Variants in PCBP3 observed in about 807,000 individuals in gnomAD.
The protein encoded by PCBP3 is poly(rC)-binding protein 3.
In PCBP3, 25 loss-of-function variants were observed where a neutral mutation model predicts 52.7. The ratio of observed to expected loss-of-function variants is 0.47; its 90% confidence interval spans 0.35 to 0.66. PCBP3 has a LOEUF of 0.66. PCBP3 is among the 30% of genes least tolerant of loss of function. The probability of loss-of-function intolerance (pLI) is 0.01; values close to 1 mark genes in which losing one functional copy is unlikely to be tolerated. For missense variants in PCBP3, 391 were observed against 490.3 expected (o/e 0.80, Z 1.91); for synonymous variants, 162 against 183.0 (o/e 0.89, Z 0.93).
chr21:45,684,640 C>T (rs1459448385), intron 2 of PCBP3, among the ~76,000 whole-genome samples: 5 of 152,176 alleles, frequency 3.3e-5, no homozygotes, highest in African/African-American at 1.2e-4. Context: ...GTTCCTCTTT[C>T]ACCTTCCACC....
chr21:45,842,919 GT>G (rs2093728311), intron 4 of PCBP3, among the ~76,000 whole-genome samples: 3 of 152,162 alleles, frequency 2.0e-5, no homozygotes. Flanking sequence ...GACCTAATAG[GT>G]TCCTCCTTTC....
At chr21:45,842,484 A>G (rs1459748955) in intron 4 of PCBP3, among the ~76,000 whole-genome samples, 1 of 152,198 alleles carries the variant, frequency 6.6e-6, no homozygotes, top group Non-Finnish European at 1.5e-5. Context: ...TAGAAAGCTC[A>G]GTGAAGCTGC....
intron 5 of PCBP3, among the ~76,000 whole-genome samples, chr21:45,864,289 G>A (rs565289719): frequency 1.3e-3 from 198 of 152,302 alleles, no homozygotes; most frequent in African/African-American, 4.5e-3. Context: ...TCCAACATCC[G>A]AGTGAGGCGG....
chr21:45,932,238 G>A (rs1470850704), intron 15 of PCBP3, among the ~76,000 whole-genome samples: 1 of 151,228 alleles, frequency 6.6e-6, no homozygotes, highest in Non-Finnish European at 1.5e-5. Flanking sequence ...CGAACACCTG[G>A]GCCTTGCCGT....
At chr21:45,695,833 C>A (rs922726004) in intron 2 of PCBP3, among the ~76,000 whole-genome samples, 15 of 152,038 alleles carry the variant, frequency 9.9e-5, no homozygotes, top group African/African-American at 3.6e-4. Flanking sequence ...GTAATCCCAG[C>A]ACTTTGGGAG....
intron 2 of PCBP3, among the ~76,000 whole-genome samples, chr21:45,686,485 A>G (rs1429638214): frequency 6.6e-6 from 1 of 152,188 alleles, no homozygotes; most frequent in Non-Finnish European, 1.5e-5. Context: ...CAAAATCCAG[A>G]CACTTAATGT....
chr21:45,839,555 A>G (rs1369995289), intron 4 of PCBP3, among the ~76,000 whole-genome samples: 2 of 152,210 alleles, frequency 1.3e-5, no homozygotes, highest in African/African-American at 2.4e-5. Context: ...TCACAGGAGA[A>G]AGGTAATTTG....
At position 45,941,939 on chromosome 21, in the gene PCBP3, C is replaced by G. The variant is rs1213726672; in HGVS notation, c.*233C>G. ...AGTGTTATTTTATTTATGACTTACG[C>G]TCCCGTCTGCCCATGCACCGGCATG... is the stretch of plus-strand genomic sequence containing the variant. On this transcript the variant is annotated 3_prime_UTR_variant, in exon 18 of 18. Transcript: ENST00000681687. 2.3e-6 allele frequency: 1 copy of G among 426,130 alleles called. No individual in the cohort carries two copies. The highest frequency in any genetic ancestry group is 4.4e-5 in the Admixed American group (1 of 22,852). 26.4% of individuals were successfully genotyped at this position (426,130 alleles called of 1,614,324 possible).
Position 45,917,437 on chromosome 21 carries a change from T to G in PCBP3, c.676-151T>G, listed in dbSNP as rs1603503111. On this transcript the variant is annotated intron_variant, in intron 12 of 17. Coordinates refer to ENST00000681687, the MANE Select transcript of PCBP3 (RefSeq NM_001384156.1). This position sits in a 1 kb window ranked among gnomAD's most constrained non-coding sequence, Gnocchi z 5.3. ...TGGGGCTCCTGGTGCCCTGGGAGGG[T>G]TGGCCCTTTGTCCTAGGATGGGGAC... is the stretch of plus-strand genomic sequence containing the variant. The G allele has an allele frequency of 4.2e-6, 2 of 474,146 alleles. No homozygotes were observed. Among genetic ancestry groups the G allele is most frequent in the Non-Finnish European group, 3.9e-6 (1 of 256,610 alleles). 29.4% of individuals were successfully genotyped at this position (474,146 alleles called of 1,614,324 possible). A position where few individuals can be genotyped will look rare whatever the true frequency, so the allele number is the denominator to read the frequency against.
chr21:45,644,453 T>G (rs2079125286), intron 1 of PCBP3, among the ~76,000 whole-genome samples: 1 of 152,160 alleles, frequency 6.6e-6, no homozygotes, highest in African/African-American at 2.4e-5. Context: ...TTAGAACGTG[T>G]TTCTTATTGT....
chr21:45,758,135 C>T (rs1328825106), intron 4 of PCBP3, among the ~76,000 whole-genome samples: 5 of 152,194 alleles, frequency 3.3e-5, no homozygotes, highest in Admixed American at 2.0e-4. Flanking sequence ...GCAATCTGCC[C>T]GCCTTGGCCT....
chr21:45,739,726 A>G (rs1173330945), intron 3 of PCBP3, among the ~76,000 whole-genome samples: 3 of 110,676 alleles, frequency 2.7e-5, no homozygotes, highest in African/African-American at 7.3e-5. Context: ...CTTCCTGTCC[A>G]TTGTGCTCTG....
In PCBP3 at chr21:45,802,429, T is replaced by A. The variant is rs1015399056; in HGVS notation, c.-126+46977T>A. 6.6e-6 allele frequency among the ~76,000 whole-genome samples: 1 copy of A among 152,072 alleles called. No individual in the cohort carries two copies. The highest frequency in any genetic ancestry group is 2.4e-5 in the African/African-American group (1 of 41,436). ...GCTTGTTCATTAAAAACAATTGTAC[T>A]TACTGAGTGCCTACGTTGTCCTGTG... On this transcript the variant is annotated intron_variant, in intron 4 of 17. Transcript: ENST00000681687. The surrounding 1 kb of genome is among the most constrained non-coding windows in gnomAD (Gnocchi z 5.1).
At chr21:45,747,715 C>T (rs1199932040) in intron 3 of PCBP3, among the ~76,000 whole-genome samples, 2 of 152,250 alleles carry the variant, frequency 1.3e-5, no homozygotes, top group African/African-American at 4.8e-5. Flanking sequence ...AGAAGCTCTG[C>T]AGCCTCATCG....
chr21:45,929,931 C>T lies in PCBP3; in HGVS notation c.732C>T (p.Leu244=). 1.2e-6 allele frequency: 2 copies of T among 1,613,806 alleles called. No individual in the cohort carries two copies. The highest frequency in any genetic ancestry group is 2.2e-5 in the East Asian group (1 of 44,884). The change falls in exon 14 of 18, where the codon CTC becomes CTT. Residue 244 remains leucine, a synonymous_variant. Coordinates refer to ENST00000681687, the MANE Select transcript of PCBP3 (RefSeq NM_001384156.1). ...TCCTACCCCAGCAGTTGACCAAGCTCCACCAGTTGGCCATGCAGCAAACCC... is the reference window on the plus strand; with the variant it reads ...TCCTACCCCAGCAGTTGACCAAGCTTCACCAGTTGGCCATGCAGCAAACCC... ...AIPHPDQLTK[L]HQLAMQQTPF... is the part of the protein sequence containing the mutation.
intron 4 of PCBP3, among the ~76,000 whole-genome samples, chr21:45,841,279 G>A (rs1195196430): frequency 2.6e-5 from 4 of 152,018 alleles, no homozygotes; most frequent in African/African-American, 9.7e-5. Context: ...CTGTCTTTTT[G>A]TCTGTCATGT....
intron 5 of PCBP3, among the ~76,000 whole-genome samples, chr21:45,889,040 T>C (rs1416726309): frequency 6.6e-6 from 1 of 152,258 alleles, no homozygotes; most frequent in Non-Finnish European, 1.5e-5. Context: ...AATACCACTT[T>C]GCCATAAGCA....
In PCBP3 at chr21:45,684,259, AG is replaced by A. The variant is rs1399603447; in HGVS notation, c.-200+15309del. Among the ~76,000 whole-genome samples the A allele has an allele frequency of 3.9e-5, 6 of 152,222 alleles. No homozygotes were observed. The East Asian group carries it at 1.2e-3, about 29-fold the overall frequency. ...AAAGCAAACAAACAAAAAAGTAATA[AG>A]GTCCTGTGGAAGTATATGTTAAATC... On this transcript the variant is annotated intron_variant, in intron 2 of 17. Coordinates refer to ENST00000681687, the MANE Select transcript of PCBP3 (RefSeq NM_001384156.1).
At chr21:45,804,139 C>T (rs563848779) in intron 4 of PCBP3, among the ~76,000 whole-genome samples, 1 of 152,280 alleles carries the variant, frequency 6.6e-6, no homozygotes, top group South Asian at 2.1e-4. Flanking sequence ...CTGCTGCCCG[C>T]GTGGCTGTAG....
Sources: gnomAD v4.1 joint callset for allele counts (sites outside exome capture counted in the v4.1 genomes callset) on GRCh38, gnomAD v4.1.1 for gene constraint, Gnocchi (gnomAD v3.1) non-coding constraint, MANE v1.5 for transcripts, NCBI Gene and HGNC (gene_info 2026-07-23, HGNC 2026-07-21) for gene names.